Variants in INPP5K observed in about 807,000 individuals in gnomAD.
INPP5K encodes inositol polyphosphate-5-phosphatase K.
INPP5K carries 35 observed loss-of-function variants against 53.5 expected under a neutral mutation model. That is an observed-to-expected ratio of 0.65 (90% CI 0.50 to 0.87). The LOEUF is 0.87. Ranked by LOEUF, INPP5K falls within the 40% of genes least tolerant of loss-of-function variation. INPP5K has a pLI of 0.00. For synonymous variants in INPP5K, 253 were observed against 232.8 expected (o/e 1.09, Z -0.79); for missense variants, 550 against 586.2 (o/e 0.94, Z 0.64).
chr17:1,496,705 G>A lies in INPP5K; in HGVS notation c.1062C>T (p.Asp354=), dbSNP rs1471134940. ...DMMVSYSSTS[D]FPSSPWDWIG... ...TCCAGTCCCACGGGCTGCTGGGGAA[G>A]TCCGAGGTTGAAGAGTAGCTGACCA... is the stretch of plus-strand genomic sequence containing the variant. The change falls in exon 9 of 12, where the codon GAC becomes GAT. Residue 354 remains aspartate (D), a synonymous_variant. Transcript: ENST00000421807. 1 of 1,614,102 alleles carries A rather than the reference G, an allele frequency of 6.2e-7. No individual in the cohort carries two copies. The highest frequency in any genetic ancestry group is 1.3e-5 in the African/African-American group (1 of 74,928).
intron 7 of INPP5K, among the ~76,000 whole-genome samples, chr17:1,506,180 T>C (rs1598379457): frequency 6.6e-6 from 1 of 152,102 alleles, no homozygotes; most frequent in African/African-American, 2.4e-5. Flanking sequence ...CGCGCTACCA[T>C]GCCCAGCTAA....
intron 9 of INPP5K, 78 bp from the exon 10 acceptor site, chr17:1,496,480 C>T (rs1567545384): frequency 2.2e-6 from 3 of 1,362,120 alleles, no homozygotes; most frequent in East Asian, 2.5e-5. Flanking sequence ...AGATGGTCTC[C>T]CTGCTGGGCC....
intron 7 of INPP5K, among the ~76,000 whole-genome samples, chr17:1,503,590 C>T (rs1434408602): frequency 6.6e-6 from 1 of 152,002 alleles, no homozygotes; most frequent in Non-Finnish European, 1.5e-5. Context: ...GTGGCGGGTG[C>T]CTGTAATCCT....
Position 1,508,232 on chromosome 17 carries a change from G to T in INPP5K, c.555-6C>A, listed in dbSNP as rs1200517401. ...CTCCAAACCAGATAATGAGGCTTCA[G>T]AAAAAAAGGAGGGCAGCCTGAGGAT... On this transcript the variant is annotated splice_region_variant and splice_polypyrimidine_tract_variant and intron_variant, in intron 5 of 11. Coordinates refer to ENST00000421807, the MANE Select transcript of INPP5K (RefSeq NM_016532.4). The T allele has an allele frequency of 6.2e-7, 1 of 1,603,480 alleles. No homozygotes were observed. The highest frequency in any genetic ancestry group is 1.3e-5 in the African/African-American group (1 of 74,618).
At chr17:1,508,536 G>T in intron 5 of INPP5K, 1 of 385,598 alleles carries the variant, frequency 2.6e-6, no homozygotes, top group Non-Finnish European at 4.8e-6. Flanking sequence ...GGAGCCACAA[G>T]GTCCTTGACC....
chr17:1,503,438 C>G, intron 7 of INPP5K, among the ~76,000 whole-genome samples: 1 of 152,132 alleles, frequency 6.6e-6, no homozygotes, highest in East Asian at 1.9e-4. Context: ...CCCGCCTGGC[C>G]TCCCAAAGTG....
chr17:1,509,276 G>A lies in INPP5K; in HGVS notation c.456C>T (p.Pro152=). 1 of 1,614,130 alleles carries A rather than the reference G, an allele frequency of 6.2e-7. No homozygotes were observed. The highest frequency in any genetic ancestry group is 1.7e-5 in the Admixed American group (1 of 60,020). ...GCCGCTGGTAATTGTTGGAAATGTG[G>A]GGAGGCAGGTGGCAGTTGATGATGC... The part of the protein sequence containing the change: ...YVSIINCHLP[P]HISNNYQRLE... The change falls in exon 5 of 12, where the codon CCC becomes CCT. Residue 152 remains proline (P), a synonymous_variant. Transcript: ENST00000421807.
intron 1 of INPP5K, 60 bp from the exon 2 acceptor site, chr17:1,514,039 C>T (rs940813044): frequency 1.6e-5 from 19 of 1,222,036 alleles, no homozygotes; most frequent in Admixed American, 1.4e-4. Flanking sequence ...TGCACGGGGT[C>T]GGCTGGGCGC....
intron 3 of INPP5K, among the ~76,000 whole-genome samples, chr17:1,511,874 G>A (rs2075317617): frequency 6.6e-6 from 1 of 152,044 alleles, no homozygotes; most frequent in Non-Finnish European, 1.5e-5. Flanking sequence ...GTGGGGGCGG[G>A]GAGGGTGGGG....
intron 3 of INPP5K, among the ~76,000 whole-genome samples, chr17:1,513,032 A>T (rs1009470479): frequency 2.0e-5 from 3 of 152,214 alleles, no homozygotes; most frequent in Non-Finnish European, 2.9e-5. Flanking sequence ...AAGATTTTAA[A>T]ATAACATATA....
chr17:1,499,655 C>T (rs544737478), intron 7 of INPP5K, among the ~76,000 whole-genome samples: 16 of 152,176 alleles, frequency 1.1e-4, no homozygotes, highest in Non-Finnish European at 2.1e-4. Flanking sequence ...CCCAGCCTTC[C>T]GAAGCAACTA....
In INPP5K at chr17:1,495,671, A is replaced by C; in HGVS notation, c.*152T>G. On this transcript the variant is annotated 3_prime_UTR_variant, in exon 12 of 12. Transcript: ENST00000421807. ...AGATGAGTAGTGGAGAGAGCAAATG[A>C]GCCTGGTTAGAGCTCACTCTGGGAG... 1 of 618,718 alleles carries C rather than the reference A, an allele frequency of 1.6e-6. No homozygotes were observed. Among genetic ancestry groups the C allele is most frequent in the Non-Finnish European group, 2.9e-6 (1 of 346,616 alleles). The allele number at this position is 618,718 out of a possible 1,614,324, so 38.3% of individuals were successfully genotyped here.
chr17:1,513,970 G>A lies in INPP5K; in HGVS notation c.54C>T (p.Val18=), dbSNP rs752181436. Residue 18 remains valine (V), a synonymous_variant, in exon 2 of 12, where the codon GTC becomes GTT. Coordinates refer to ENST00000421807, the MANE Select transcript of INPP5K (RefSeq NM_016532.4). The part of the protein sequence containing the change: ...GPKGRRLSIH[V]VTWNVASAAP... ...CTGCCGAAGCCACGTTCCAAGTCAC[G>A]ACGTGTATGCTGCGGAAGGGATGCA... 1.4e-5 allele frequency: 23 copies of A among 1,610,266 alleles called. No homozygotes were observed. The highest frequency in any genetic ancestry group is 1.6e-4 in the Middle Eastern group (1 of 6,074).
intron 7 of INPP5K, among the ~76,000 whole-genome samples, chr17:1,499,222 TC>T (rs2074941451): frequency 6.6e-6 from 1 of 151,816 alleles, no homozygotes; most frequent in Admixed American, 6.6e-5. Context: ...CTCTCAAGAG[TC>T]GACTGAGAGG....
chr17:1,498,762 T>C (rs1043268544), intron 7 of INPP5K, among the ~76,000 whole-genome samples: 1 of 152,130 alleles, frequency 6.6e-6, no homozygotes, highest in Admixed American at 6.6e-5. Flanking sequence ...GCACTATGCC[T>C]GGCTAATTTT....
In INPP5K at chr17:1,496,729, C is replaced by T; in HGVS notation, c.1038G>A (p.Met346Ile). The change falls in exon 9 of 12, where the codon ATG becomes ATA. Residue 346 changes from methionine to isoleucine, a missense_variant. Met to Ile is a conservative substitution (Grantham distance 10, BLOSUM62 1). Coordinates refer to ENST00000421807, the MANE Select transcript of INPP5K (RefSeq NM_016532.4). ...EDLWTVENDM[M>I]VSYSSTSDFP... The stretch of plus-strand genomic sequence containing the variant: ...AGTCCGAGGTTGAAGAGTAGCTGAC[C>T]ATCATGTCATTTTCCACGGTCCACA... The T allele has an allele frequency of 6.2e-7, 1 of 1,614,174 alleles. No individual in the cohort carries two copies. Among genetic ancestry groups the T allele is most frequent in the Non-Finnish European group, 8.5e-7 (1 of 1,180,026 alleles).
intron 1 of INPP5K, chr17:1,515,345 A>G: frequency 1.3e-6 from 1 of 785,622 alleles, no homozygotes; most frequent in Non-Finnish European, 1.5e-6. Context: ...CTCAGCTTAC[A>G]AGTCTTAGGG....
intron 8 of INPP5K, 142 bp downstream of exon 8, chr17:1,497,794 C>T (rs1190354162): frequency 1.2e-5 from 9 of 724,894 alleles, no homozygotes; most frequent in South Asian, 1.8e-5. Context: ...CTGGGATATC[C>T]GACCTGGCAG....
Position 1,495,763 on chromosome 17 carries a change from T to C in INPP5K, c.*60A>G. ...GCTGGGCCCCCAGCACTCCCGGCAG[T>C]GGAAAGGCAGAGCTGGCTGCCAGCT... On this transcript the variant is annotated 3_prime_UTR_variant, in exon 12 of 12. Transcript: ENST00000421807. 1.5e-6 allele frequency: 2 copies of C among 1,314,042 alleles called. No individual in the cohort carries two copies. Among genetic ancestry groups the C allele is most frequent in the Non-Finnish European group, 2.2e-6 (2 of 917,036 alleles). 81.4% of individuals were successfully genotyped at this position (1,314,042 alleles called of 1,614,324 possible).
Sources: gnomAD v4.1 joint callset for allele counts (sites outside exome capture counted in the v4.1 genomes callset) on GRCh38, gnomAD v4.1.1 for gene constraint, MANE v1.5 for transcripts, NCBI Gene and HGNC (gene_info 2026-07-23, HGNC 2026-07-21) for gene names.